SRPRA: variants seen among roughly 807,000 people sequenced by gnomAD.
The protein encoded by SRPRA is signal recognition particle receptor subunit alpha.
SRPRA carries 30 observed loss-of-function variants against 61.1 expected under a neutral mutation model. That is an observed-to-expected ratio of 0.49 (90% CI 0.37 to 0.67). The LOEUF (loss-of-function observed/expected upper bound fraction) is 0.67, where lower values mean the gene tolerates loss of function less well. Ranked by LOEUF, SRPRA falls within the 30% of genes least tolerant of loss-of-function variation. The probability of loss-of-function intolerance (pLI) is 0.00; values close to 1 mark genes in which losing one functional copy is unlikely to be tolerated. For missense variants in SRPRA, 759 were observed against 828.4 expected (o/e 0.92, Z 1.03); for synonymous variants, 324 against 299.7 (o/e 1.08, Z -0.84).
chr11:126,244,117 A>G, the SRPRA span, among the ~76,000 whole-genome samples: 4 of 152,236 alleles, frequency 2.6e-5, no homozygotes, highest in African/African-American at 4.8e-5. The surrounding 1 kb of genome is among the most constrained non-coding windows in gnomAD (Gnocchi z 4.5). Context: ...AAGACCGTAT[A>G]TGAAAAACTC....
Position 126,263,798 on chromosome 11 carries a change from TC to T in SRPRA, c.*117del, listed in dbSNP as rs1950752124. On this transcript the variant is annotated 3_prime_UTR_variant, in exon 14 of 14. Transcript: ENST00000332118. ...GGGTTGGAAGGAGCCACAAGCCCCC[TC>T]ACTCTGCCTTTGTACTACACTGAAG... 7.0e-7 allele frequency: 1 copy of T among 1,419,268 alleles called. No homozygotes were observed. The highest frequency in any genetic ancestry group is 9.5e-7 in the Non-Finnish European group (1 of 1,050,514). The allele number at this position is 1,419,268 out of a possible 1,614,324, so 87.9% of individuals were successfully genotyped here.
chr11:126,267,047 G>T lies in SRPRA; in HGVS notation c.527-125C>A. 6.6e-7 allele frequency: 1 copy of T among 1,522,314 alleles called. No homozygotes were observed. The highest frequency in any genetic ancestry group is 8.8e-7 in the Non-Finnish European group (1 of 1,129,988). The allele number at this position is 1,522,314 out of a possible 1,614,324, so 94.3% of individuals were successfully genotyped here. A position where few individuals can be genotyped will look rare whatever the true frequency, so the allele number is the denominator to read the frequency against. The stretch of plus-strand genomic sequence containing the variant: ...AACATCTTGGAGTTCATAAGGCCTG[G>T]GGATTATAGGATGGTGACCATTTGA... On this transcript the variant is annotated intron_variant, in intron 4 of 13. Coordinates refer to ENST00000332118, the MANE Select transcript of SRPRA (RefSeq NM_003139.4). This position sits in a 1 kb window ranked among gnomAD's most constrained non-coding sequence, Gnocchi z 4.2.
the SRPRA span, among the ~76,000 whole-genome samples, chr11:126,241,477 G>C: frequency 1.3e-5 from 2 of 152,110 alleles, no homozygotes; most frequent in African/African-American, 4.8e-5. Context: ...TATTTAGAAG[G>C]AATTGCACCT....
the SRPRA span, among the ~76,000 whole-genome samples, chr11:126,239,168 TC>T: frequency 6.6e-6 from 1 of 151,884 alleles, no homozygotes; most frequent in Non-Finnish European, 1.5e-5. Flanking sequence ...AGAGATGGGG[TC>T]TCACTAAGTT....
Position 126,264,945 on chromosome 11 carries a change from C to A in SRPRA, c.1525+14G>T. On this transcript the variant is annotated intron_variant, in intron 11 of 13. Coordinates refer to ENST00000332118, the MANE Select transcript of SRPRA (RefSeq NM_003139.4). This position sits in a 1 kb window ranked among gnomAD's most constrained non-coding sequence, Gnocchi z 5.0. The stretch of plus-strand genomic sequence containing the variant: ...GGACCCCAAATAAGCCCCCACACTT[C>A]CCATGCACTGTACCAAAAGCAATGG... 6.2e-7 allele frequency: 1 copy of A among 1,612,144 alleles called. No individual in the cohort carries two copies. Among genetic ancestry groups the A allele is most frequent in the Non-Finnish European group, 8.5e-7 (1 of 1,179,554 alleles).
At chr11:126,262,339 T>A, downstream of SRPRA, 78 of 465,248 alleles carry the variant, frequency 1.7e-4, no homozygotes, top group Non-Finnish European at 1.9e-4. Context: ...CTGTTCAAGT[T>A]CAAGAATAAA....
In SRPRA at chr11:126,267,749, C is replaced by T. The variant is rs372613038; in HGVS notation, c.202-37G>A. The T allele has an allele frequency of 2.0e-5, 33 of 1,612,406 alleles. No homozygotes were observed. Among genetic ancestry groups the T allele is most frequent in the Non-Finnish European group, 2.7e-5 (32 of 1,179,100 alleles). The stretch of plus-strand genomic sequence containing the variant: ...AAGAAACAGCCAACAGATCTGCTTA[C>T]ATACTAGCCTAGAATGGAGGGACGC... On this transcript the variant is annotated intron_variant, in intron 2 of 13. Coordinates refer to ENST00000332118, the MANE Select transcript of SRPRA (RefSeq NM_003139.4). The surrounding 1 kb of genome is among the most constrained non-coding windows in gnomAD (Gnocchi z 4.2).
At chr11:126,250,958 T>C in the SRPRA span, among the ~76,000 whole-genome samples, 1 of 152,356 alleles carries the variant, frequency 6.6e-6, no homozygotes, top group East Asian at 1.9e-4. The surrounding 1 kb of genome is among the most constrained non-coding windows in gnomAD (Gnocchi z 5.1). Flanking sequence ...CTCTTGACAA[T>C]TTCATCCAGT....
Position 126,265,315 on chromosome 11 carries a change from T to C in SRPRA, c.1264A>G (p.Thr422Ala), listed in dbSNP as rs757951110. ...CCCACTCCATTAACGCCGCAGAAGG[T>C]GACGACATAAGGGCGCTGGCGACGC... ...AQRRQRPYVV[T>A]FCGVNGVGKS... Residue 422 changes from threonine to alanine, a missense_variant, in exon 10 of 14, where the codon ACC becomes GCC. Thr to Ala is a moderately conservative substitution (Grantham distance 58). This residue lies in a region of SRPRA where 284 missense variants were observed against 365.9 expected (regional missense o/e 0.78). Transcript: ENST00000332118. This position sits in a 1 kb window ranked among gnomAD's most constrained non-coding sequence, Gnocchi z 6.3. 6.2e-7 allele frequency: 1 copy of C among 1,614,132 alleles called. No individual in the cohort carries two copies. The highest frequency in any genetic ancestry group is 8.5e-7 in the Non-Finnish European group (1 of 1,180,018).
the SRPRA span, among the ~76,000 whole-genome samples, chr11:126,239,514 A>T: frequency 1.3e-5 from 2 of 152,202 alleles, no homozygotes; most frequent in Non-Finnish European, 2.9e-5. Flanking sequence ...TGCTTCTAAC[A>T]TCTATTATTA....
At chr11:126,238,761 A>G in the SRPRA span, among the ~76,000 whole-genome samples, 3 of 152,156 alleles carry the variant, frequency 2.0e-5, no homozygotes, top group African/African-American at 7.2e-5. Context: ...GTACATGAAC[A>G]TTCCCAAAAT....
the SRPRA span, chr11:126,250,810 A>G: frequency 4.3e-6 from 5 of 1,162,018 alleles, no homozygotes; most frequent in South Asian, 7.6e-5. The surrounding 1 kb of genome is among the most constrained non-coding windows in gnomAD (Gnocchi z 5.1). Flanking sequence ...TCTAGTTGGT[A>G]TATTGGTATT....
At chr11:126,257,147 G>A in the SRPRA span, among the ~76,000 whole-genome samples, 5 of 152,270 alleles carry the variant, frequency 3.3e-5, no homozygotes, top group African/African-American at 7.2e-5. Context: ...ACAAAATAGC[G>A]AAGAAAGATC....
chr11:126,240,266 T>G, the SRPRA span, among the ~76,000 whole-genome samples: 1 of 150,796 alleles, frequency 6.6e-6, no homozygotes, highest in African/African-American at 2.4e-5. Context: ...TATTGGCCAC[T>G]TTTTTTTTCT....
intron 1 of SRPRA, 30 bp downstream of exon 1, chr11:126,268,658 C>A (rs1950876067): frequency 6.3e-7 from 1 of 1,581,528 alleles, no homozygotes; most frequent in African/African-American, 1.3e-5. Flanking sequence ...GAAAGAAGAG[C>A]CTGGAGTTCT....
the SRPRA span, among the ~76,000 whole-genome samples, chr11:126,235,961 G>A: frequency 6.6e-6 from 1 of 151,830 alleles, no homozygotes; most frequent in Non-Finnish European, 1.5e-5. Context: ...TTGTTTGTTT[G>A]TTTGCTTTCA....
Position 126,267,750 on chromosome 11 carries a change from A to C in SRPRA, c.202-38T>G. On this transcript the variant is annotated intron_variant, in intron 2 of 13. Coordinates refer to ENST00000332118, the MANE Select transcript of SRPRA (RefSeq NM_003139.4). This position sits in a 1 kb window ranked among gnomAD's most constrained non-coding sequence, Gnocchi z 4.2. ...AGAAACAGCCAACAGATCTGCTTAC[A>C]TACTAGCCTAGAATGGAGGGACGCC... The C allele has an allele frequency of 6.2e-7, 1 of 1,612,084 alleles. No homozygotes were observed. Among genetic ancestry groups the C allele is most frequent in the Non-Finnish European group, 8.5e-7 (1 of 1,178,750 alleles).
At chr11:126,260,110 C>T (rs2135223988), downstream of SRPRA, among the ~76,000 whole-genome samples, 1 of 152,004 alleles carries the variant, frequency 6.6e-6, no homozygotes, top group South Asian at 2.1e-4. Flanking sequence ...TGGCTCACCA[C>T]AGCCTTGACC....
the SRPRA span, among the ~76,000 whole-genome samples, chr11:126,246,539 G>C: frequency 1.3e-5 from 2 of 152,168 alleles, no homozygotes; most frequent in African/African-American, 2.4e-5. Flanking sequence ...AAAATGTCTG[G>C]CACATAGTTG....
Sources: gnomAD v4.1 joint callset for allele counts (sites outside exome capture counted in the v4.1 genomes callset) on GRCh38, gnomAD v4.1.1 for gene constraint, gnomAD v4.1.1 regional missense constraint, Gnocchi (gnomAD v3.1) non-coding constraint, MANE v1.5 for transcripts, NCBI Gene and HGNC (gene_info 2026-07-23, HGNC 2026-07-21) for gene names.